ANKRD30B: variants seen among roughly 807,000 people sequenced by gnomAD.
The protein encoded by ANKRD30B is ankyrin repeat domain-containing protein 30B.
Under a neutral mutation model 202.2 loss-of-function variants are expected in ANKRD30B, and 144 were observed. The observed-to-expected ratio is 0.71, with a 90% CI of 0.62 to 0.82. The LOEUF (loss-of-function observed/expected upper bound fraction) is 0.82, where lower values mean the gene tolerates loss of function less well. Ranked by LOEUF, ANKRD30B falls within the 40% of genes least tolerant of loss-of-function variation. ANKRD30B has a pLI of 0.00. For missense variants in ANKRD30B, 1,487 were observed against 1,669.1 expected (o/e 0.89, Z 1.90); for synonymous variants, 508 against 561.3 (o/e 0.91, Z 1.34).
At position 14,808,042 on chromosome 18, in the gene ANKRD30B, C is replaced by T. The variant is rs1568033332; in HGVS notation, c.2285-509C>T. 1.3e-5 allele frequency among the ~76,000 whole-genome samples: 2 copies of T among 150,832 alleles called. 1 individual carries two copies. Among genetic ancestry groups the T allele is most frequent in the Non-Finnish European group, 3.0e-5 (2 of 67,742 alleles). ...CTCTGCAATGATAAGTAAATTGTAC[C>T]TTTGAATTCTCATCGGAGCTTTGCA... On this transcript the variant is annotated intron_variant, in intron 24 of 43. Coordinates refer to ENST00000690538, the MANE Select transcript of ANKRD30B (RefSeq NM_001367607.2).
At chr18:14,922,166 G>A in the ANKRD30B span, among the ~76,000 whole-genome samples, 1,476 of 152,226 alleles carry the variant, frequency 9.7e-3, 30 homozygotes, top group African/African-American at 0.033. Context: ...GGAGATTGGG[G>A]ACTTTGCATT....
chr18:14,896,897 T>G, the ANKRD30B span, among the ~76,000 whole-genome samples: 3 of 150,818 alleles, frequency 2.0e-5, no homozygotes, highest in Non-Finnish European at 1.5e-5. Flanking sequence ...TATACAAAAA[T>G]TCAGTTAGTA....
intron 34 of ANKRD30B, among the ~76,000 whole-genome samples, chr18:14,834,479 G>C (rs886502640): frequency 6.6e-6 from 1 of 151,984 alleles, no homozygotes; most frequent in Admixed American, 6.6e-5. Context: ...TTAAATGAGA[G>C]CAGGAACTCT....
chr18:14,856,015 G>A (rs1225756336), downstream of ANKRD30B, among the ~76,000 whole-genome samples: 4 of 139,908 alleles, frequency 2.9e-5, no homozygotes, highest in African/African-American at 1.1e-4. Flanking sequence ...TGGGCGGCCA[G>A]GCAGAGGTGC....
chr18:14,928,127 C>T, the ANKRD30B span, among the ~76,000 whole-genome samples: 4 of 152,130 alleles, frequency 2.6e-5, no homozygotes, highest in Non-Finnish European at 5.9e-5. Context: ...GCCACCATGC[C>T]TGGCTAATTT....
chr18:14,880,639 C>A, the ANKRD30B span, among the ~76,000 whole-genome samples: 6 of 146,558 alleles, frequency 4.1e-5, no homozygotes, highest in African/African-American at 1.3e-4. Flanking sequence ...GATCTTGGCT[C>A]ACTACAACTT....
At chr18:14,928,027 G>C in the ANKRD30B span, among the ~76,000 whole-genome samples, 3 of 152,082 alleles carry the variant, frequency 2.0e-5, no homozygotes, top group African/African-American at 7.2e-5. Context: ...GAGTGCAATG[G>C]TGCTATCTCA....
At chr18:14,838,371 T>C (rs1288019176) in intron 36 of ANKRD30B, among the ~76,000 whole-genome samples, 1 of 152,222 alleles carries the variant, frequency 6.6e-6, no homozygotes, top group African/African-American at 2.4e-5. Context: ...AGATAATTCC[T>C]GGGACTCTGA....
chr18:14,772,004 AG>A (rs1967032102), intron 8 of ANKRD30B, among the ~76,000 whole-genome samples, 151 bp from the exon 9 acceptor site: 1 of 152,242 alleles, frequency 6.6e-6, no homozygotes, highest in African/African-American at 2.4e-5. Context: ...AATTCTACCA[AG>A]AAACATGATA....
chr18:14,786,733 C>A (rs1012247537), intron 14 of ANKRD30B, among the ~76,000 whole-genome samples: 2 of 152,066 alleles, frequency 1.3e-5, no homozygotes, highest in African/African-American at 4.8e-5. Context: ...GAATGAACAG[C>A]AAATATAGGA....
At chr18:14,880,391 G>C in the ANKRD30B span, among the ~76,000 whole-genome samples, 1 of 152,052 alleles carries the variant, frequency 6.6e-6, no homozygotes, top group Non-Finnish European at 1.5e-5. Context: ...ATTAATTTTA[G>C]AATTGTTTTT....
Position 14,772,185 on chromosome 18 carries a change from C to A in ANKRD30B, c.1286C>A (p.Ser429Ter). The A allele has an allele frequency of 6.6e-7, 1 of 1,504,654 alleles. No homozygotes were observed. The highest frequency in any genetic ancestry group is 1.4e-5 in the African/African-American group (1 of 72,168). The allele number at this position is 1,504,654 out of a possible 1,614,324, so 93.2% of individuals were successfully genotyped here. Residue 429 changes from serine (S) to a stop codon, truncating the protein, a stop_gained, in exon 9 of 44, where the codon TCA (serine) becomes TAA (stop). Transcript: ENST00000690538. LOFTEE classifies it high-confidence loss of function. ...TTTGGCACACGGACTATTGAAAATT[C>A]ACAGTGTACAAAAGTTGAGGAAGAC... The part of the protein sequence containing the change: ...SLFGTRTIEN[S>*]QCTKVEEDFN...
rs543978252 is a variant in ANKRD30B at position 14,822,617 on chromosome 18, A to G, written c.2683A>G (p.Met895Val). The G allele has an allele frequency of 1.6e-4, 230 of 1,445,788 alleles. 1 individual carries two copies. In the African/African-American group the frequency reaches 3.0e-3, roughly 19 times the overall value. 89.6% of individuals were successfully genotyped at this position (1,445,788 alleles called of 1,614,324 possible). ...CAAACCCATTTAGCCTACCTGTGGA[A>G]TGAAAATTTCTCTTCCAAATAAAGC... ...KDGLLKPTCG[M>V]KISLPNKALE... The change falls in exon 32 of 44, where the codon ATG becomes GTG. Residue 895 changes from methionine to valine, a missense_variant. By Grantham distance (21) the Met-to-Val change is conservative. Coordinates refer to ENST00000690538, the MANE Select transcript of ANKRD30B (RefSeq NM_001367607.2).
At chr18:14,893,359 C>G in the ANKRD30B span, among the ~76,000 whole-genome samples, 2 of 152,176 alleles carry the variant, frequency 1.3e-5, no homozygotes, top group African/African-American at 4.8e-5. Context: ...GCCTGTAATC[C>G]CAGCACTTTG....
intron 16 of ANKRD30B, among the ~76,000 whole-genome samples, chr18:14,794,256 A>T (rs1968724648): frequency 6.6e-6 from 1 of 151,806 alleles, no homozygotes; most frequent in Non-Finnish European, 1.5e-5. Flanking sequence ...AACTTCAGGG[A>T]TAATCAGATC....
chr18:14,784,313 G>C, intron 12 of ANKRD30B, 23 bp from the exon 13 acceptor site: 1 of 1,608,434 alleles, frequency 6.2e-7, no homozygotes, highest in Non-Finnish European at 8.5e-7. Context: ...TATGATTGAT[G>C]ATAAATCTCT....
the ANKRD30B span, among the ~76,000 whole-genome samples, chr18:14,907,622 G>A: frequency 1.3e-5 from 2 of 152,190 alleles, no homozygotes; most frequent in Non-Finnish European, 2.9e-5. Context: ...AATTAGCACA[G>A]CCCTTATGTG....
chr18:14,929,277 A>G, the ANKRD30B span, among the ~76,000 whole-genome samples: 1 of 152,160 alleles, frequency 6.6e-6, no homozygotes, highest in African/African-American at 2.4e-5. Flanking sequence ...ACCCCTGAAG[A>G]TGAGCTCAAC....
intron 33 of ANKRD30B, among the ~76,000 whole-genome samples, chr18:14,831,009 C>T (rs1170507423): frequency 4.0e-5 from 6 of 151,334 alleles, no homozygotes; most frequent in African/African-American, 1.2e-4. Context: ...GGTGAAACCC[C>T]GTCTCTACTA....
Sources: allele counts gnomAD v4.1 joint callset (sites outside exome capture counted in the v4.1 genomes callset), GRCh38; gene constraint gnomAD v4.1.1; transcripts MANE v1.5; gene names NCBI Gene and HGNC (gene_info 2026-07-23, HGNC 2026-07-21).